Variants in LUZP2 observed in about 807,000 individuals in gnomAD.
The protein encoded by LUZP2 is leucine zipper protein 2.
Under a neutral mutation model 51.6 loss-of-function variants are expected in LUZP2, and 52 were observed. The observed-to-expected ratio is 1.01, with a 90% CI of 0.81 to 1.27. The LOEUF (loss-of-function observed/expected upper bound fraction) is 1.27, where lower values mean the gene tolerates loss of function less well. Ranked by LOEUF, LUZP2 falls within the 50% of genes most tolerant of loss-of-function variation. LUZP2 has a pLI of 0.00. For synonymous variants in LUZP2, 154 were observed against 137.3 expected, an observed-to-expected ratio of 1.12 and a Z score of -0.85; for missense variants, 436 against 395.4, an observed-to-expected ratio of 1.10 and a Z score of -0.87.
chr11:24,633,000 G>A (rs760893869), intron 1 of LUZP2, among the ~76,000 whole-genome samples: 1 of 151,946 alleles, frequency 6.6e-6, no homozygotes, highest in Non-Finnish European at 1.5e-5. Context: ...AAGGAAAGAT[G>A]GGGTCTTGAA....
intron 1 of LUZP2, among the ~76,000 whole-genome samples, chr11:24,616,377 G>A (rs905360278): frequency 5.3e-5 from 8 of 151,926 alleles, no homozygotes; most frequent in Non-Finnish European, 1.5e-5. Flanking sequence ...GACCCATTGT[G>A]AGTTAATTTT....
At chr11:24,813,597 G>A (rs1418773244) in intron 5 of LUZP2, among the ~76,000 whole-genome samples, 1 of 152,160 alleles carries the variant, frequency 6.6e-6, no homozygotes, top group Admixed American at 6.5e-5. Context: ...TGTCAACAAG[G>A]GGATGGCCCA....
intron 5 of LUZP2, among the ~76,000 whole-genome samples, chr11:24,890,115 A>G (rs747407077): frequency 3.3e-5 from 5 of 152,154 alleles, no homozygotes; most frequent in Non-Finnish European, 5.9e-5. Flanking sequence ...TGATATACGA[A>G]TTTCCCTCTA....
intron 1 of LUZP2, among the ~76,000 whole-genome samples, chr11:24,545,604 A>C (rs1851515999): frequency 7.8e-6 from 1 of 128,168 alleles, no homozygotes; most frequent in African/African-American, 2.9e-5. Context: ...ATAGGTGTGC[A>C]GTCTTATTTC....
At chr11:24,992,073 T>A (rs985827133) in intron 9 of LUZP2, among the ~76,000 whole-genome samples, 2 of 152,108 alleles carry the variant, frequency 1.3e-5, no homozygotes, top group African/African-American at 4.8e-5. Flanking sequence ...TTATCTATTG[T>A]GGTTCAGCAT....
chr11:25,025,806 G>A (rs1015138634), intron 9 of LUZP2, among the ~76,000 whole-genome samples: 1 of 152,092 alleles, frequency 6.6e-6, no homozygotes, highest in African/African-American at 2.4e-5. Context: ...TATACCCAAA[G>A]GATTATAAAT....
intron 1 of LUZP2, among the ~76,000 whole-genome samples, chr11:24,538,052 G>A (rs1167704484): frequency 6.6e-6 from 1 of 151,724 alleles, no homozygotes; most frequent in Non-Finnish European, 1.5e-5. Flanking sequence ...TCCTCCATGA[G>A]CTCAAACATT....
intron 1 of LUZP2, among the ~76,000 whole-genome samples, chr11:24,566,295 A>ATTAT (rs974129146): frequency 6.0e-5 from 9 of 148,778 alleles, no homozygotes; most frequent in Non-Finnish European, 1.2e-4. Flanking sequence ...AACATTATTT[A>ATTAT]TTATTTATTT....
intron 1 of LUZP2, among the ~76,000 whole-genome samples, chr11:24,654,597 A>T (rs372113159): frequency 1.3e-5 from 2 of 151,946 alleles, no homozygotes; most frequent in East Asian, 3.9e-4. Context: ...CCGCCTCCTG[A>T]ATTCAAGCCA....
chr11:24,715,263 A>ATGTGTGTGTGTGTGTGTGTGTGTG (rs58368050), intron 1 of LUZP2, among the ~76,000 whole-genome samples: 2 of 133,884 alleles, frequency 1.5e-5, no homozygotes, highest in Non-Finnish European at 3.2e-5. Context: ...AGGAGCAACT[A>ATGTGTGTGTGTGTGTGTGTGTGTG]TGTGTGTGTG....
chr11:24,974,899 A>G (rs1855842892), intron 7 of LUZP2, among the ~76,000 whole-genome samples: 1 of 152,048 alleles, frequency 6.6e-6, no homozygotes, highest in African/African-American at 2.4e-5. Context: ...ATTATGGTAA[A>G]ACATATGATT....
At chr11:24,791,482 T>A (rs1246201755) in intron 5 of LUZP2, among the ~76,000 whole-genome samples, 1 of 152,164 alleles carries the variant, frequency 6.6e-6, no homozygotes, top group Non-Finnish European at 1.5e-5. Context: ...GATAAACATA[T>A]GTTAACAATA....
At chr11:24,724,881 A>G (rs1241360211) in intron 1 of LUZP2, among the ~76,000 whole-genome samples, 1 of 152,202 alleles carries the variant, frequency 6.6e-6, no homozygotes, top group Non-Finnish European at 1.5e-5. Flanking sequence ...ATATCTATTT[A>G]GACAATTAAA....
chr11:24,809,405 C>T (rs1207991327), intron 5 of LUZP2, among the ~76,000 whole-genome samples: 1 of 152,224 alleles, frequency 6.6e-6, no homozygotes, highest in East Asian at 1.9e-4. Flanking sequence ...ACTCTTTCAG[C>T]ATGCCATTCT....
Position 25,081,546 on chromosome 11 carries a change from A to C in LUZP2, c.*2888A>C, listed in dbSNP as rs1185282484. On this transcript the variant is annotated 3_prime_UTR_variant, in exon 12 of 12. Transcript: ENST00000336930. Reference sequence around the variant, plus strand: ...GTACCTTAATGAATGCATTTTATTTATCTCAATTTTTATTTGCTTCAAAAT... The same window carrying C: ...GTACCTTAATGAATGCATTTTATTTCTCTCAATTTTTATTTGCTTCAAAAT... 1 of 152,128 alleles carries C rather than the reference A, an allele frequency of 6.6e-6. No homozygotes were observed. The highest frequency in any genetic ancestry group is 1.5e-5 in the Non-Finnish European group (1 of 68,012). The allele number at this position is 152,128 out of a possible 1,614,324, so 9.4% of individuals were successfully genotyped here. A position where few individuals can be genotyped will look rare whatever the true frequency, so the allele number is the denominator to read the frequency against.
intron 1 of LUZP2, among the ~76,000 whole-genome samples, chr11:24,518,108 A>G (rs1850536129): frequency 2.0e-5 from 3 of 152,144 alleles, no homozygotes; most frequent in Admixed American, 1.3e-4. Flanking sequence ...GCTGTTATTA[A>G]TGAATAAGAT....
chr11:25,029,069 T>C (rs925426559), intron 9 of LUZP2, among the ~76,000 whole-genome samples: 1 of 152,140 alleles, frequency 6.6e-6, no homozygotes, highest in Non-Finnish European at 1.5e-5. Flanking sequence ...GAAAAATGGC[T>C]ACCAGAGGCT....
intron 9 of LUZP2, among the ~76,000 whole-genome samples, chr11:24,999,442 G>A (rs574993573): frequency 2.0e-5 from 3 of 151,070 alleles, no homozygotes; most frequent in East Asian, 1.9e-4. Context: ...GGAAGAAGGA[G>A]GAGAAGGAGA....
intron 1 of LUZP2, among the ~76,000 whole-genome samples, chr11:24,533,227 G>T (rs1851067976): frequency 6.6e-6 from 1 of 151,072 alleles, no homozygotes; most frequent in South Asian, 2.1e-4. Flanking sequence ...GTTGTTAATT[G>T]TCTTTTAAGA....
Sources: allele counts gnomAD v4.1 joint callset (sites outside exome capture counted in the v4.1 genomes callset), GRCh38; gene constraint gnomAD v4.1.1; transcripts MANE v1.5; gene names NCBI Gene and HGNC (gene_info 2026-07-23, HGNC 2026-07-21).